Variants in SORT1 observed in about 807,000 individuals in gnomAD.
The protein encoded by SORT1 is sortilin 1, also known as sortilin.
In SORT1, 39 loss-of-function variants were observed where a neutral mutation model predicts 101.7. The observed-to-expected ratio is 0.38, with a 90% CI of 0.30 to 0.50. The LOEUF (loss-of-function observed/expected upper bound fraction) is 0.50, where lower values mean the gene tolerates loss of function less well. Among genes scored for constraint, SORT1 ranks in the 20% least tolerant of loss-of-function variants. The pLI is 0.90. For synonymous variants in SORT1, 396 were observed against 393.7 expected, an observed-to-expected ratio of 1.01 and a Z score of -0.07; for missense variants, 878 against 1,040.4, an observed-to-expected ratio of 0.84 and a Z score of 2.15.
chr1:109,327,708 G>A (rs939764296), intron 11 of SORT1, 107 bp from the exon 12 acceptor site: 3 of 608,736 alleles, frequency 4.9e-6, no homozygotes, highest in Non-Finnish European at 8.3e-6. Flanking sequence ...CCCAGACCTA[G>A]GTAAAAGTAC....
At chr1:109,324,766 C>G in intron 14 of SORT1, 133 bp downstream of exon 14, 1 of 618,172 alleles carries the variant, frequency 1.6e-6, no homozygotes, top group Non-Finnish European at 2.8e-6. Flanking sequence ...ATCACCCACA[C>G]AGAACATCTG....
At chr1:109,367,327 T>C in intron 3 of SORT1, 81 bp downstream of exon 3, 1 of 784,576 alleles carries the variant, frequency 1.3e-6, no homozygotes, top group South Asian at 1.6e-5. Flanking sequence ...AACTGTTACG[T>C]GCCATCATGT....
intron 5 of SORT1, among the ~76,000 whole-genome samples, chr1:109,351,965 G>GGGGTGTGTGTGTGTGTGTGT (rs932648162): frequency 3.5e-4 from 52 of 147,512 alleles, no homozygotes; most frequent in African/African-American, 1.3e-3. Context: ...GAGAGGTAGG[G>GGGGTGTGTGTGTGTGTGTGT]GTGTGTGTGT....
At chr1:109,386,129 T>A (rs1242310276) in intron 1 of SORT1, among the ~76,000 whole-genome samples, 1 of 152,248 alleles carries the variant, frequency 6.6e-6, no homozygotes, top group African/African-American at 2.4e-5. Context: ...AGGCGTTAAG[T>A]AATTTGCTCA....
intron 2 of SORT1, 127 bp from the exon 3 acceptor site, chr1:109,367,608 T>A: frequency 1.7e-6 from 1 of 572,328 alleles, no homozygotes; most frequent in South Asian, 2.3e-5. Context: ...CCCCAAAGTC[T>A]AGAAGGATCT....
At chr1:109,345,669 T>C in intron 8 of SORT1, 82 bp downstream of exon 8, 1 of 1,327,812 alleles carries the variant, frequency 7.5e-7, no homozygotes, top group East Asian at 2.3e-5. Flanking sequence ...AGAAACTCTG[T>C]CAATGCCAAG....
chr1:109,352,817 T>C (rs138055395), intron 5 of SORT1, among the ~76,000 whole-genome samples: 18 of 152,314 alleles, frequency 1.2e-4, no homozygotes, highest in African/African-American at 4.3e-4. Flanking sequence ...ACTGTATCTG[T>C]CTCTTCCTGA....
chr1:109,395,249 C>T (rs1224351485), intron 1 of SORT1, among the ~76,000 whole-genome samples: 1 of 119,084 alleles, frequency 8.4e-6, no homozygotes, highest in African/African-American at 3.3e-5. Flanking sequence ...GAGATAGAGT[C>T]TCACTCTGTC....
At chr1:109,366,326 C>A (rs1260248780) in intron 3 of SORT1, among the ~76,000 whole-genome samples, 1 of 152,134 alleles carries the variant, frequency 6.6e-6, no homozygotes, top group African/African-American at 2.4e-5. Flanking sequence ...CTCCTTCTTA[C>A]CTAAAAATAA....
intron 6 of SORT1, 142 bp downstream of exon 6, chr1:109,350,787 C>A: frequency 1.5e-6 from 1 of 661,386 alleles, no homozygotes. Context: ...AGGCCTGTGT[C>A]ACACCCCTCT....
intron 4 of SORT1, among the ~76,000 whole-genome samples, chr1:109,354,862 C>T (rs1052959620): frequency 6.6e-6 from 1 of 152,112 alleles, no homozygotes; most frequent in Non-Finnish European, 1.5e-5. Flanking sequence ...GGCTTTGGTG[C>T]ACCTTGGGCG....
chr1:109,378,730 ATATAT>A (rs1652024591), intron 1 of SORT1, among the ~76,000 whole-genome samples: 3 of 98,864 alleles, frequency 3.0e-5, no homozygotes, highest in African/African-American at 4.4e-5. Flanking sequence ...ATATATATAT[ATATAT>A]ATATATATAT....
chr1:109,323,030 A>G lies in SORT1; in HGVS notation c.1926T>C (p.Phe642=). Residue 642 remains phenylalanine (F), a synonymous_variant, in exon 15 of 20, where the codon TTT becomes TTC. Transcript: ENST00000256637. ...DGCILGYKEQ[F]LRLRKSSVCQ... is the part of the protein sequence containing the mutation. ...ACACGGATGACTTGCGTAGCCGCAG[A>G]AACTGTTCTTTGTAGCCCAAAATGC... is the stretch of plus-strand genomic sequence containing the variant. 1 of 1,614,248 alleles carries G rather than the reference A, an allele frequency of 6.2e-7. No homozygotes were observed. The highest frequency in any genetic ancestry group is 1.7e-5 in the Admixed American group (1 of 60,032).
chr1:109,314,222 G>C (rs557855475), intron 19 of SORT1, 39 bp downstream of exon 19: 18 of 1,142,234 alleles, frequency 1.6e-5, no homozygotes, highest in Middle Eastern at 2.1e-4. Context: ...GTATTTTTTG[G>C]GGGGGGGGGT....
intron 3 of SORT1, among the ~76,000 whole-genome samples, chr1:109,358,640 G>A (rs1650493586): frequency 6.6e-6 from 1 of 152,168 alleles, no homozygotes; most frequent in South Asian, 2.1e-4. Flanking sequence ...TGGATCACAA[G>A]GTCAGGAGTT....
At chr1:109,355,535 C>G in intron 3 of SORT1, 66 bp from the exon 4 acceptor site, 2 of 757,064 alleles carry the variant, frequency 2.6e-6, no homozygotes, top group Non-Finnish European at 4.7e-6. Context: ...AGTTCCTACT[C>G]AGCTTTCATT....
Position 109,391,545 on chromosome 1 carries a change from C to T in SORT1, c.306+6042G>A, listed in dbSNP as rs939256598. ...CACAGAAAACTTCCTCGGCAAAACA[C>T]GACAGGTTCTGAGTGGAAGGATTTT... On this transcript the variant is annotated intron_variant, in intron 1 of 19. Coordinates refer to ENST00000256637, the MANE Select transcript of SORT1 (RefSeq NM_002959.7). Among the ~76,000 whole-genome samples the T allele has an allele frequency of 1.4e-4, 21 of 152,154 alleles. 2 individuals are homozygous for T. Among genetic ancestry groups the T allele is most frequent in the Admixed American group, 1.0e-3 (16 of 15,266 alleles).
chr1:109,369,664 AC>A, intron 1 of SORT1, 75 bp from the exon 2 acceptor site: 2 of 953,986 alleles, frequency 2.1e-6, no homozygotes, highest in Non-Finnish European at 3.4e-6. Flanking sequence ...AAATATCTGA[AC>A]TTTATTACTG....
intron 1 of SORT1, among the ~76,000 whole-genome samples, chr1:109,392,240 T>C (rs1652958066): frequency 6.6e-6 from 1 of 152,182 alleles, no homozygotes; most frequent in African/African-American, 2.4e-5. Flanking sequence ...CTGCCCAGCA[T>C]GTGATGGTCA....
Sources: gnomAD v4.1 joint callset for allele counts (sites outside exome capture counted in the v4.1 genomes callset) on GRCh38, gnomAD v4.1.1 for gene constraint, MANE v1.5 for transcripts, NCBI Gene and HGNC (gene_info 2026-07-23, HGNC 2026-07-21) for gene names.